ANAPC5: variants seen among roughly 807,000 people sequenced by gnomAD.
ANAPC5 encodes the protein anaphase-promoting complex subunit 5.
A neutral mutation model predicts 91.3 loss-of-function variants in ANAPC5; 60 were observed. The ratio of observed to expected loss-of-function variants is 0.66; its 90% CI spans 0.53 to 0.81. The LOEUF is 0.81. Among genes scored for constraint, ANAPC5 ranks in the 40% least tolerant of loss-of-function variants. ANAPC5 has a pLI of 0.00. For missense variants in ANAPC5, 690 were observed against 931.5 expected (o/e 0.74, Z 3.37); for synonymous variants, 340 against 364.1 (o/e 0.93, Z 0.75).
intron 15 of ANAPC5, among the ~76,000 whole-genome samples, chr12:121,316,461 C>T (rs1478098847): frequency 6.6e-6 from 1 of 151,988 alleles, no homozygotes; most frequent in East Asian, 1.9e-4. Context: ...ACCCCGGGCG[C>T]GGTGGCTCAC....
At chr12:121,339,974 T>C (rs1903384536) in intron 5 of ANAPC5, among the ~76,000 whole-genome samples, 1 of 148,416 alleles carries the variant, frequency 6.7e-6, no homozygotes, top group African/African-American at 2.5e-5. Flanking sequence ...CTCCCCAGGT[T>C]CAAGCGATTC....
At chr12:121,338,588 C>CA (rs1368729020) in intron 5 of ANAPC5, among the ~76,000 whole-genome samples, 11 of 151,558 alleles carry the variant, frequency 7.3e-5, no homozygotes, top group Non-Finnish European at 1.3e-4. Flanking sequence ...GACTCAGTCT[C>CA]AAAAAAACAA....
At chr12:121,344,607 A>C (rs923508065) in intron 4 of ANAPC5, among the ~76,000 whole-genome samples, 3 of 151,800 alleles carry the variant, frequency 2.0e-5, no homozygotes, top group African/African-American at 7.3e-5. Flanking sequence ...AGAAAGAAAA[A>C]GAAAGTATTT....
At chr12:121,321,730 G>A (rs530638040) in intron 11 of ANAPC5, among the ~76,000 whole-genome samples, 2 of 152,070 alleles carry the variant, frequency 1.3e-5, no homozygotes, top group African/African-American at 2.4e-5. Context: ...TAGAGGCAGT[G>A]TTTTGCCATG....
intron 1 of ANAPC5, among the ~76,000 whole-genome samples, chr12:121,350,793 A>C (rs1903857089): frequency 6.6e-6 from 1 of 152,154 alleles, no homozygotes; most frequent in South Asian, 2.1e-4. Context: ...ATGTACCAGT[A>C]AACAAAAACA....
At chr12:121,341,295 C>A (rs1346720773) in intron 5 of ANAPC5, among the ~76,000 whole-genome samples, 8 of 152,088 alleles carry the variant, frequency 5.3e-5, no homozygotes, top group African/African-American at 1.9e-4. Flanking sequence ...TGTGGTGAAA[C>A]CCCATCTCTA....
chr12:121,320,532 G>A (rs1034395565), intron 11 of ANAPC5, 73 bp from the exon 12 acceptor site: 8 of 1,282,858 alleles, frequency 6.2e-6, no homozygotes, highest in Non-Finnish European at 7.8e-6. Context: ...TGCACAGATG[G>A]TGACAGATTC....
At chr12:121,349,324 G>C (rs144692103) in intron 1 of ANAPC5, among the ~76,000 whole-genome samples, 13 of 152,218 alleles carry the variant, frequency 8.5e-5, no homozygotes, top group Admixed American at 3.9e-4. Context: ...ACTTTGGGAA[G>C]CTGAGGCAGG....
At chr12:121,352,718 T>TGGTGGTGGTGGTGG (rs1555275623), upstream of ANAPC5, among the ~76,000 whole-genome samples, 71 of 102,386 alleles carry the variant, frequency 6.9e-4, no homozygotes, top group East Asian at 2.9e-3. Flanking sequence ...GTTGTTGTTG[T>TGGTGGTGGTGGTGG]TGGTGGTGGT....
Position 121,309,880 on chromosome 12 carries a change from A to G in ANAPC5, c.1894-17T>C. ...AAGAATGAGCTGAAAAAGAAACATCATGGCACTGTACATACCCAAACCCAC... is the reference window on the plus strand; with the variant it reads ...AAGAATGAGCTGAAAAAGAAACATCGTGGCACTGTACATACCCAAACCCAC... On this transcript the variant is annotated splice_polypyrimidine_tract_variant and intron_variant, in intron 15 of 16. Coordinates refer to ENST00000261819, the MANE Select transcript of ANAPC5 (RefSeq NM_016237.5). 1 of 1,611,006 alleles carries G rather than the reference A, an allele frequency of 6.2e-7. No individual in the cohort carries two copies. Among genetic ancestry groups the G allele is most frequent in the Non-Finnish European group, 8.5e-7 (1 of 1,178,544 alleles).
intron 7 of ANAPC5, chr12:121,334,375 C>CTGTG (rs1555273196): frequency 6.6e-6 from 1 of 152,194 alleles, no homozygotes; most frequent in African/African-American, 2.4e-5. Context: ...CATTATTGAA[C>CTGTG]TGTGAACACT....
At chr12:121,331,154 A>G (rs1368077516) in intron 8 of ANAPC5, 193 bp downstream of exon 8, 1 of 520,198 alleles carries the variant, frequency 1.9e-6, no homozygotes, top group Non-Finnish European at 3.5e-6. Flanking sequence ...TGCCAAAAGC[A>G]AAACAGATGT....
chr12:121,351,987 C>T, intron 1 of ANAPC5, 147 bp downstream of exon 1: 1 of 753,626 alleles, frequency 1.3e-6, no homozygotes, highest in South Asian at 2.1e-5. Context: ...TGTTAGCTAC[C>T]GGTAGTAGCT....
chr12:121,320,133 A>G (rs1397654814), intron 12 of ANAPC5, among the ~76,000 whole-genome samples: 1 of 152,144 alleles, frequency 6.6e-6, no homozygotes, highest in Non-Finnish European at 1.5e-5. Context: ...GTAGGCACTC[A>G]ATTTGGTATT....
chr12:121,314,042 T>C (rs1375479905), intron 15 of ANAPC5, among the ~76,000 whole-genome samples: 1 of 152,138 alleles, frequency 6.6e-6, no homozygotes, highest in Admixed American at 6.6e-5. Context: ...ACATACACTA[T>C]GACCATGTGA....
chr12:121,333,137 G>A (rs2136791233), intron 7 of ANAPC5: 1 of 152,298 alleles, frequency 6.6e-6, no homozygotes, highest in African/African-American at 2.4e-5. Flanking sequence ...CCGATATGGT[G>A]AAATCCCATC....
At chr12:121,329,931 T>C (rs1447233938) in intron 9 of ANAPC5, among the ~76,000 whole-genome samples, 2 of 152,154 alleles carry the variant, frequency 1.3e-5, no homozygotes, top group Admixed American at 6.6e-5. Flanking sequence ...GCCTTTTCAA[T>C]GCCCCTCTGT....
chr12:121,318,255 A>G (rs118176996), intron 15 of ANAPC5, 22 bp downstream of exon 15: 20,231 of 1,508,304 alleles, frequency 0.013, 180 homozygotes, highest in Non-Finnish European at 0.015. Flanking sequence ...AATATGTGCT[A>G]TAAAAACAGA....
chr12:121,325,029 T>C (rs1555272157), intron 11 of ANAPC5, among the ~76,000 whole-genome samples: 1 of 152,172 alleles, frequency 6.6e-6, no homozygotes, highest in Non-Finnish European at 1.5e-5. Context: ...AGCTGTGTGG[T>C]AGCACGCTCC....
Sources: gnomAD v4.1 joint callset for allele counts (sites outside exome capture counted in the v4.1 genomes callset) on GRCh38, gnomAD v4.1.1 for gene constraint, MANE v1.5 for transcripts, NCBI Gene and HGNC (gene_info 2026-07-23, HGNC 2026-07-21) for gene names.